Variants in SH2B1 observed in about 807,000 individuals in gnomAD.
SH2B1 encodes the protein SH2B adapter protein 1.
Under a neutral mutation model 62.6 loss-of-function variants are expected in SH2B1, and 15 were observed. That is an observed-to-expected ratio of 0.24 (90% CI 0.16 to 0.37). The LOEUF (loss-of-function observed/expected upper bound fraction) is 0.37. Ranked by LOEUF, SH2B1 falls within the 10% of genes least tolerant of loss-of-function variation. The probability of loss-of-function intolerance (pLI) is 1.00; values close to 1 mark genes in which losing one functional copy is unlikely to be tolerated. For synonymous variants in SH2B1, 443 were observed against 438.0 expected (o/e 1.01, Z -0.14); for missense variants, 925 against 1,015.6 (o/e 0.91, Z 1.21).
chr16:28,848,249 G>A (rs1962028027), intron 1 of SH2B1, among the ~76,000 whole-genome samples: 1 of 152,008 alleles, frequency 6.6e-6, no homozygotes, highest in South Asian at 2.1e-4. Flanking sequence ...AACAGCCTGG[G>A]CAACACGGTG....
At chr16:28,848,449 A>T (rs557628487) in intron 1 of SH2B1, among the ~76,000 whole-genome samples, 25 of 151,822 alleles carry the variant, frequency 1.6e-4, no homozygotes, top group East Asian at 5.8e-4. Flanking sequence ...AAAAAAAAAA[A>T]TTTTTTTTCA....
Position 28,865,805 on chromosome 16 carries a change from G to A in SH2B1, c.-290G>A, listed in dbSNP as rs979936232. On this transcript the variant is annotated 5_prime_UTR_variant, in exon 1 of 8. Transcript: ENST00000684370. ...AAGTGGGGGCAAATGTGGCAGGCTCGGGGCAGGTTAGACGCTGGGGAGCCA... is the reference window on the plus strand; with the variant it reads ...AAGTGGGGGCAAATGTGGCAGGCTCAGGGCAGGTTAGACGCTGGGGAGCCA... 84 of 1,195,912 alleles carry A rather than the reference G, an allele frequency of 7.0e-5. No individual in the cohort carries two copies. In the Middle Eastern group the frequency reaches 9.9e-4, roughly 14 times the overall value. 74.1% of individuals were successfully genotyped at this position (1,195,912 alleles called of 1,614,324 possible).
rs1339792506 is a variant in SH2B1, at chr16:28,855,247, TCTCA to T, written c.-300-6367_-300-6364del. 3.3e-5 allele frequency among the ~76,000 whole-genome samples: 5 copies of T among 151,618 alleles called. No homozygotes were observed. In the East Asian group the frequency reaches 9.7e-4, roughly 29 times the overall value. On this transcript the variant is annotated intron_variant, in intron 1 of 10. Transcript: ENST00000322610. The stretch of plus-strand genomic sequence containing the variant: ...TCTTTTTTTAATTGTTGAGACAGAA[TCTCA>T]CTCTATCACCCAGGCTGGAGTGCAA...
intron 1 of SH2B1, among the ~76,000 whole-genome samples, chr16:28,853,066 GTACATATATATTTATATATATTTA>G (rs1353390371): frequency 2.2e-5 from 2 of 92,810 alleles, no homozygotes; most frequent in Admixed American, 1.4e-4. Flanking sequence ...ACATATATAT[GTACATATATATTTATATATATTTA>G]TACATATATA....
At chr16:28,848,112 T>C (rs1356922507) in intron 1 of SH2B1, among the ~76,000 whole-genome samples, 1 of 151,016 alleles carries the variant, frequency 6.6e-6, no homozygotes, top group African/African-American at 2.4e-5. Flanking sequence ...AGGCGTGAGC[T>C]ACCACGCTCA....
At position 28,873,968 on chromosome 16, in the gene SH2B1, C is replaced by T. The variant is rs1325067347; in HGVS notation, c.*148C>T. ...ATCTTTGATGGTACAAGCAGAGGCT[C>T]GGGAGAGGCTCCCGTCACACACTAC... is the stretch of plus-strand genomic sequence containing the variant. On this transcript the variant is annotated 3_prime_UTR_variant, in exon 8 of 8. Coordinates refer to ENST00000684370, the MANE Select transcript of SH2B1 (RefSeq NM_001387430.1). The surrounding 1 kb of genome is among the most constrained non-coding windows in gnomAD (Gnocchi z 4.2). The T allele has an allele frequency of 1.3e-5, 10 of 748,690 alleles. No homozygotes were observed. The highest frequency in any genetic ancestry group is 5.5e-5 in the African/African-American group (3 of 54,976). The allele number at this position is 748,690 out of a possible 1,614,324, so 46.4% of individuals were successfully genotyped here.
At chr16:28,859,763 T>C (rs1347013036), upstream of SH2B1, among the ~76,000 whole-genome samples, 3 of 151,154 alleles carry the variant, frequency 2.0e-5, no homozygotes, top group Non-Finnish European at 4.4e-5. Flanking sequence ...AAAGCAGAAC[T>C]AAAAGAGACT....
In SH2B1 at chr16:28,852,909, C is replaced by CATGTACATATATATATTTTTATATAT. The variant is rs1248832639; in HGVS notation, c.-301+6097_-301+6122dup. On this transcript the variant is annotated intron_variant, in intron 1 of 10. Coordinates refer to the SH2B1 transcript ENST00000322610. ...ATATTTACATATATTTTTATATATA[C>CATGTACATATATATATTTTTATATAT]ATGTACATATATATATTTTTATATA... is the stretch of plus-strand genomic sequence containing the variant. Among the ~76,000 whole-genome samples, 2 of 38,234 alleles carry CATGTACATATATATATTTTTATATAT rather than the reference C, an allele frequency of 5.2e-5. 1 individual carries two copies. The highest frequency in any genetic ancestry group is 1.1e-4 in the Non-Finnish European group (2 of 19,038). 25.1% of individuals were successfully genotyped at this position (38,234 alleles called of 152,430 possible).
rs747403658 is a variant in SH2B1 at position 28,866,802 on chromosome 16, A to T, written c.708A>T (p.Gly236=). The change falls in exon 1 of 8, where the codon GGA becomes GGT. Residue 236 remains glycine, a synonymous_variant. Coordinates refer to ENST00000684370, the MANE Select transcript of SH2B1 (RefSeq NM_001387430.1). This position sits in a 1 kb window ranked among gnomAD's most constrained non-coding sequence, Gnocchi z 6.3. The part of the protein sequence containing the change: ...HRFERLRLSR[G]GGALKDGAGM... ...TTGAGAGGCTGAGACTCAGTCGGGGAGGGGGCGCCTTGAAGGATGGAGCAG... is the reference window on the plus strand; with the variant it reads ...TTGAGAGGCTGAGACTCAGTCGGGGTGGGGGCGCCTTGAAGGATGGAGCAG... The T allele has an allele frequency of 1.3e-6, 2 of 1,582,646 alleles. No homozygotes were observed. The highest frequency in any genetic ancestry group is 1.7e-6 in the Non-Finnish European group (2 of 1,165,350).
intron 1 of SH2B1, among the ~76,000 whole-genome samples, chr16:28,855,144 G>C (rs1962290675): frequency 6.6e-6 from 1 of 151,850 alleles, no homozygotes; most frequent in African/African-American, 2.4e-5. Flanking sequence ...AAGGTGCTGG[G>C]TGCCTTACAA....
At position 28,867,524 on chromosome 16, in the gene SH2B1, A is replaced by T; in HGVS notation, c.1041+92A>T. 4.4e-6 allele frequency: 4 copies of T among 910,678 alleles called. No individual in the cohort carries two copies. In the South Asian group the frequency reaches 5.2e-5, roughly 12 times the overall value. 56.4% of individuals were successfully genotyped at this position (910,678 alleles called of 1,614,324 possible). A position where few individuals can be genotyped will look rare whatever the true frequency, so the allele number is the denominator to read the frequency against. ...GCAAGTGGCGTCGCCGAAAGGAGGT[A>T]TATATATGTGTCCAGTGCCTTGAGA... On this transcript the variant is annotated intron_variant, in intron 2 of 7. Transcript: ENST00000684370.
upstream of SH2B1, chr16:28,861,657 A>C (rs1330579874): frequency 1.3e-5 from 2 of 149,738 alleles, no homozygotes; most frequent in African/African-American, 5.0e-5. Flanking sequence ...GATGGTCTTG[A>C]TCTCCTGACC....
intron 1 of SH2B1, among the ~76,000 whole-genome samples, chr16:28,851,589 A>G (rs1596608763): frequency 6.6e-6 from 1 of 150,586 alleles, no homozygotes; most frequent in African/African-American, 2.4e-5. Context: ...CACCCTCCCA[A>G]GTAGCTGGGA....
chr16:28,852,385 T>TTAC (rs1962141768), intron 1 of SH2B1, among the ~76,000 whole-genome samples: 2 of 46,878 alleles, frequency 4.3e-5, no homozygotes, highest in African/African-American at 2.0e-4. Context: ...TACATATATT[T>TTAC]ATATATATAC....
Position 28,872,886 on chromosome 16 carries a change from C to A in SH2B1, c.1897+181C>A. The A allele has an allele frequency of 2.4e-6, 2 of 827,590 alleles. No individual in the cohort carries two copies. The highest frequency in any genetic ancestry group is 3.8e-6 in the Non-Finnish European group (2 of 521,876). The allele number at this position is 827,590 out of a possible 1,614,324, so 51.3% of individuals were successfully genotyped here. ...AAGGGAAAGAAATGCGCTGATAGGA[C>A]ACAGGAAGGCAGAAGGCTCCTGGCC... On this transcript the variant is annotated intron_variant, in intron 7 of 7. Transcript: ENST00000684370. The surrounding 1 kb of genome is among the most constrained non-coding windows in gnomAD (Gnocchi z 5.3).
At position 28,865,332 on chromosome 16, in the gene SH2B1, A is replaced by G. The variant is rs920455318; in HGVS notation, c.-763A>G. On this transcript the variant is annotated 5_prime_UTR_variant, in exon 1 of 8. Transcript: ENST00000684370. ...GTGCTGGACTCTGGGGTCAGCTTTC[A>G]AGACAATTACTGTTTTGGTCCATCA... 4.1e-5 allele frequency: 40 copies of G among 985,548 alleles called. No homozygotes were observed. Among genetic ancestry groups the G allele is most frequent in the Non-Finnish European group, 4.8e-5 (40 of 830,002 alleles). The allele number at this position is 985,548 out of a possible 1,614,324, so 61.1% of individuals were successfully genotyped here. A position where few individuals can be genotyped will look rare whatever the true frequency, so the allele number is the denominator to read the frequency against.
At chr16:28,859,877 CCCCG>C (rs1962401972), upstream of SH2B1, among the ~76,000 whole-genome samples, 1 of 113,944 alleles carries the variant, frequency 8.8e-6, no homozygotes, top group Non-Finnish European at 2.0e-5. Flanking sequence ...GACCCCCCCC[CCCCG>C]GCTGTTTTCA....
chr16:28,858,184 A>T (rs1248035764), intron 1 of SH2B1, among the ~76,000 whole-genome samples: 1 of 152,006 alleles, frequency 6.6e-6, no homozygotes, highest in African/African-American at 2.4e-5. Context: ...TCCTGAAGCT[A>T]CTGAGGGCCT....
intron 1 of SH2B1, among the ~76,000 whole-genome samples, chr16:28,853,070 A>G (rs1362139606): frequency 8.7e-6 from 1 of 114,856 alleles, no homozygotes; most frequent in Admixed American, 1.1e-4. Flanking sequence ...ATATATGTAC[A>G]TATATATTTA....
Sources: allele counts gnomAD v4.1 joint callset (sites outside exome capture counted in the v4.1 genomes callset), GRCh38; gene constraint gnomAD v4.1.1; non-coding constraint Gnocchi (gnomAD v3.1); transcripts MANE v1.5; gene names NCBI Gene and HGNC (gene_info 2026-07-23, HGNC 2026-07-21).